The following SPAG16 variants were observed in gnomAD, a reference collection of about 807,000 sequenced individuals.
The protein encoded by SPAG16 is sperm associated antigen 16.
In SPAG16, 86 loss-of-function variants were observed where a neutral mutation model predicts 80.4. The ratio of observed to expected loss-of-function variants is 1.07; its 90% CI spans 0.90 to 1.28. The LOEUF is 1.28. Among genes scored for constraint, SPAG16 ranks in the 50% most tolerant of loss-of-function variants. The pLI, the probability that SPAG16 is intolerant of heterozygous loss-of-function variation, is 0.00. For synonymous variants in SPAG16, 294 were observed against 265.9 expected, an observed-to-expected ratio of 1.11 and a Z score of -1.03; for missense variants, 870 against 765.3, an observed-to-expected ratio of 1.14 and a Z score of -1.61.
intron 13 of SPAG16, among the ~76,000 whole-genome samples, chr2:214,045,599 T>C (rs2049273535): frequency 6.6e-6 from 1 of 152,154 alleles, no homozygotes; most frequent in Admixed American, 6.6e-5. Context: ...TGAATATTCT[T>C]GGGAATGATC....
intron 14 of SPAG16, among the ~76,000 whole-genome samples, chr2:214,137,946 A>G (rs1161826733): frequency 6.6e-6 from 1 of 152,136 alleles, no homozygotes; most frequent in Non-Finnish European, 1.5e-5. Flanking sequence ...ATGTTAATTA[A>G]AAAACCCCAA....
intron 13 of SPAG16, among the ~76,000 whole-genome samples, chr2:214,080,670 C>T (rs2051340326): frequency 6.6e-6 from 1 of 151,180 alleles, no homozygotes; most frequent in South Asian, 2.1e-4. Context: ...CACATTAAAG[C>T]TATTTTAAAT....
intron 5 of SPAG16, among the ~76,000 whole-genome samples, chr2:213,328,820 T>G (rs1234976703): frequency 6.6e-6 from 1 of 152,164 alleles, no homozygotes; most frequent in Non-Finnish European, 1.5e-5. Flanking sequence ...GTTGATTGGT[T>G]TGGCTGTGTC....
At chr2:214,007,457 A>T (rs2124920177) in intron 12 of SPAG16, among the ~76,000 whole-genome samples, 1 of 152,286 alleles carries the variant, frequency 6.6e-6, no homozygotes, top group South Asian at 2.1e-4. Context: ...TGTGAAATTA[A>T]AAAGTTTGGT....
intron 10 of SPAG16, among the ~76,000 whole-genome samples, chr2:213,530,309 G>A (rs989729947): frequency 4.6e-5 from 7 of 152,126 alleles, no homozygotes; most frequent in East Asian, 1.9e-4. Context: ...CACAACAAAC[G>A]TGAGTATTGC....
At chr2:214,225,508 AT>A (rs1162291021) in intron 15 of SPAG16, among the ~76,000 whole-genome samples, 2 of 152,164 alleles carry the variant, frequency 1.3e-5, no homozygotes, top group Non-Finnish European at 2.9e-5. Flanking sequence ...GAATATCAAT[AT>A]GTAAAATATT....
At chr2:213,300,592 A>G (rs1214948809) in intron 3 of SPAG16, among the ~76,000 whole-genome samples, 1 of 152,200 alleles carries the variant, frequency 6.6e-6, no homozygotes, top group Non-Finnish European at 1.5e-5. Flanking sequence ...CTAAATACTA[A>G]AAAGATTTGT....
At chr2:213,943,710 G>C (rs895592891) in intron 12 of SPAG16, among the ~76,000 whole-genome samples, 1 of 152,110 alleles carries the variant, frequency 6.6e-6, no homozygotes, top group African/African-American at 2.4e-5. Flanking sequence ...GAGAAAGAAG[G>C]AATCATTAAG....
Position 213,350,545 on chromosome 2 carries a change from C to T in SPAG16, c.662C>T (p.Ala221Val). ...TTTTATAGGTTGAAGTTACATTATG[C>T]ATCTTATGAACCGACTATAAGGGTG... ...NDLKGLKLHY[A>V]SYEPTIRVLH... Residue 221 changes from alanine to valine, a missense_variant, in exon 7 of 16, where the codon GCA (alanine) becomes GTA (valine). Transcript: ENST00000331683. 2 of 1,565,116 alleles carry T rather than the reference C, an allele frequency of 1.3e-6. No individual in the cohort carries two copies. Among genetic ancestry groups the T allele is most frequent in the East Asian group, 2.3e-5 (1 of 43,476 alleles).
At chr2:214,285,234 C>T (rs1292846963) in intron 15 of SPAG16, among the ~76,000 whole-genome samples, 3 of 152,082 alleles carry the variant, frequency 2.0e-5, no homozygotes, top group African/African-American at 7.2e-5. Flanking sequence ...GATGACAGCA[C>T]CTTTTCATCT....
At chr2:213,853,627 T>TA (rs1202628821) in intron 10 of SPAG16, among the ~76,000 whole-genome samples, 2 of 152,198 alleles carry the variant, frequency 1.3e-5, no homozygotes, top group African/African-American at 4.8e-5. Context: ...TCACCCTACT[T>TA]ATAAGCTTAT....
At chr2:213,529,433 A>G (rs1047070263) in intron 10 of SPAG16, among the ~76,000 whole-genome samples, 1 of 152,192 alleles carries the variant, frequency 6.6e-6, no homozygotes. Context: ...AAGGTGAACA[A>G]TGGGCTCTCC....
chr2:213,611,608 A>C (rs536975342), intron 10 of SPAG16, among the ~76,000 whole-genome samples: 10 of 152,288 alleles, frequency 6.6e-5, no homozygotes, highest in African/African-American at 1.7e-4. Flanking sequence ...TACACCATTA[A>C]ATGCTCTATT....
intron 10 of SPAG16, among the ~76,000 whole-genome samples, chr2:213,672,578 A>G (rs989736294): frequency 2.0e-5 from 3 of 151,982 alleles, no homozygotes; most frequent in South Asian, 2.1e-4. Flanking sequence ...CAAGAGCTCT[A>G]TATTTGTACC....
At chr2:214,286,266 C>T (rs1284051525) in intron 15 of SPAG16, among the ~76,000 whole-genome samples, 1 of 152,042 alleles carries the variant, frequency 6.6e-6, no homozygotes, top group Non-Finnish European at 1.5e-5. Flanking sequence ...AACAATGTGA[C>T]TATAGTTAAC....
intron 10 of SPAG16, among the ~76,000 whole-genome samples, chr2:213,853,824 G>C (rs1395800611): frequency 6.6e-6 from 1 of 152,182 alleles, no homozygotes; most frequent in Non-Finnish European, 1.5e-5. Context: ...ACTTTGGGAT[G>C]ACATCTTTGA....
chr2:213,515,404 A>G (rs966380597), intron 10 of SPAG16, among the ~76,000 whole-genome samples: 1 of 152,154 alleles, frequency 6.6e-6, no homozygotes, highest in Non-Finnish European at 1.5e-5. Context: ...TCTATACTTC[A>G]TCCTCTACCT....
At chr2:213,714,142 A>C (rs972721251) in intron 10 of SPAG16, among the ~76,000 whole-genome samples, 1 of 152,190 alleles carries the variant, frequency 6.6e-6, no homozygotes, top group Non-Finnish European at 1.5e-5. Flanking sequence ...TGTAGAGGTG[A>C]GCTCTCTCCA....
At chr2:213,600,472 T>A (rs956742001) in intron 10 of SPAG16, among the ~76,000 whole-genome samples, 2 of 152,226 alleles carry the variant, frequency 1.3e-5, no homozygotes, top group Middle Eastern at 3.2e-3. Flanking sequence ...TAACAAATGT[T>A]CACTGAGCTC....
Sources: allele counts gnomAD v4.1 joint callset (sites outside exome capture counted in the v4.1 genomes callset), GRCh38; gene constraint gnomAD v4.1.1; transcripts MANE v1.5; gene names NCBI Gene and HGNC (gene_info 2026-07-23, HGNC 2026-07-21).